Variants in UBAP2 observed in about 807,000 individuals in gnomAD.
The protein encoded by UBAP2 is ubiquitin-associated protein 2.
UBAP2 carries 75 observed loss-of-function variants against 139.6 expected under a neutral mutation model. That is an observed-to-expected ratio of 0.54 (90% CI 0.45 to 0.65). UBAP2 has a LOEUF of 0.65. Among genes scored for constraint, UBAP2 ranks in the 30% least tolerant of loss-of-function variants. The probability of loss-of-function intolerance (pLI) is 0.00; values close to 1 mark genes in which losing one functional copy is unlikely to be tolerated. For synonymous variants in UBAP2, 526 were observed against 526.2 expected (o/e 1.00, Z 0.01); for missense variants, 1,368 against 1,369.6 (o/e 1.00, Z 0.02).
intron 1 of UBAP2, among the ~76,000 whole-genome samples, chr9:34,039,239 C>A (rs1346845345): frequency 6.8e-6 from 1 of 146,544 alleles, no homozygotes; most frequent in African/African-American, 2.5e-5. Flanking sequence ...AGTTGGGGGG[C>A]GCCTCCGCCT....
At chr9:33,990,636 A>ATT (rs1821623852) in intron 4 of UBAP2, among the ~76,000 whole-genome samples, 1 of 22,420 alleles carries the variant, frequency 4.5e-5, no homozygotes. Context: ...AGTACCCCCC[A>ATT]ATTTTTTTTT....
rs887856471 is a variant in UBAP2 at position 33,941,605 on chromosome 9, A to G, written c.1929+44T>C. On this transcript the variant is annotated intron_variant, in intron 16 of 28. Transcript: ENST00000379238. ...AATTTAACCAAACATTAATTTCCAA[A>G]TAAGACGGACATCTTCTGAGAAAAA... 24 of 1,508,288 alleles carry G rather than the reference A, an allele frequency of 1.6e-5. No homozygotes were observed. The African/African-American group carries it at 1.8e-4, about 11-fold the overall frequency. 93.4% of individuals were successfully genotyped at this position (1,508,288 alleles called of 1,614,324 possible).
At chr9:33,948,965 G>A (rs118184940) in intron 12 of UBAP2, 19,304 of 174,446 alleles carry the variant, frequency 0.11, 1,467 homozygotes, top group Non-Finnish European at 0.15. Context: ...AGCAGATTGA[G>A]ACCATTCTGG....
At chr9:34,038,795 G>A (rs1826718941) in intron 1 of UBAP2, among the ~76,000 whole-genome samples, 1 of 151,682 alleles carries the variant, frequency 6.6e-6, no homozygotes, top group South Asian at 2.1e-4. Flanking sequence ...ACTGGGAAGT[G>A]AGGAGCGCCT....
At position 33,991,396 on chromosome 9, in the gene UBAP2, A is replaced by G. The variant is rs998550643; in HGVS notation, c.289-2270T>C. Among the ~76,000 whole-genome samples the G allele has an allele frequency of 3.5e-4, 53 of 152,182 alleles. 1 individual carries two copies. Among genetic ancestry groups the G allele is most frequent in the Non-Finnish European group, 1.5e-5 (1 of 68,036 alleles). On this transcript the variant is annotated intron_variant, in intron 4 of 28. Coordinates refer to ENST00000379238, the MANE Select transcript of UBAP2 (RefSeq NM_001370062.2). ...AAAGGAGGGGAGGCGGATTCCCAAA[A>G]TATCAAATTCAGGAGACTAAGTAGT...
chr9:33,940,681 G>C (rs1825126835), intron 16 of UBAP2, among the ~76,000 whole-genome samples: 1 of 152,170 alleles, frequency 6.6e-6, no homozygotes, highest in Non-Finnish European at 1.5e-5. Context: ...TGGGAGGCTA[G>C]GGTGGGAGGA....
intron 14 of UBAP2, 44 bp from the exon 15 acceptor site, chr9:33,943,633 T>G: frequency 3.1e-6 from 5 of 1,606,326 alleles, no homozygotes; most frequent in Non-Finnish European, 4.3e-6. Context: ...GGTCACAGAT[T>G]CCAGGTCACA....
At position 34,048,834 on chromosome 9, in the gene UBAP2, T is replaced by C. The variant is rs1325808505; in HGVS notation, c.-51A>G. 6.6e-6 allele frequency: 1 copy of C among 152,250 alleles called. No individual in the cohort carries two copies. Among genetic ancestry groups the C allele is most frequent in the Non-Finnish European group, 1.5e-5 (1 of 68,396 alleles). The allele number at this position is 152,250 out of a possible 1,614,324, so 9.4% of individuals were successfully genotyped here. On this transcript the variant is annotated 5_prime_UTR_variant, in exon 1 of 29. Coordinates refer to ENST00000379238, the MANE Select transcript of UBAP2 (RefSeq NM_001370062.2). ...AGAGGATGGCAATTACCGCTGCTGC[T>C]CTCGGAGGACCCAAGACCCGCTGCC...
intron 19 of UBAP2, among the ~76,000 whole-genome samples, chr9:33,931,160 C>T (rs1412816845): frequency 2.6e-5 from 4 of 152,146 alleles, no homozygotes; most frequent in South Asian, 2.1e-4. Flanking sequence ...ACCCAATGCA[C>T]GCATACATAA....
intron 1 of UBAP2, among the ~76,000 whole-genome samples, chr9:34,017,970 GAACA>G (rs1824530442): frequency 6.6e-6 from 1 of 151,412 alleles, no homozygotes; most frequent in South Asian, 2.1e-4. Context: ...TTGATTTGTT[GAACA>G]AACATTTATT....
In UBAP2 at chr9:33,968,723, C is replaced by T. The variant is rs533543324; in HGVS notation, c.679+2928G>A. ...TAACATGAAATCTATCCTTTTACAACAGACAGTTGAATAATTTTTAGTATA... is the reference window on the plus strand; with the variant it reads ...TAACATGAAATCTATCCTTTTACAATAGACAGTTGAATAATTTTTAGTATA... On this transcript the variant is annotated intron_variant, in intron 8 of 28. Coordinates refer to ENST00000379238, the MANE Select transcript of UBAP2 (RefSeq NM_001370062.2). 2.6e-5 allele frequency among the ~76,000 whole-genome samples: 4 copies of T among 152,244 alleles called. No homozygotes were observed. The East Asian group carries it at 5.8e-4, about 22-fold the overall frequency.
chr9:33,945,408 C>T, intron 13 of UBAP2, among the ~76,000 whole-genome samples: 1 of 151,942 alleles, frequency 6.6e-6, no homozygotes, highest in African/African-American at 2.4e-5. Flanking sequence ...CTGAGGCAGG[C>T]CCTATGACGT....
At chr9:34,007,477 A>T in intron 2 of UBAP2, among the ~76,000 whole-genome samples, 1 of 146,884 alleles carries the variant, frequency 6.8e-6, no homozygotes, top group Non-Finnish European at 1.5e-5. Context: ...AGCCTGGGTG[A>T]CCCTGTCTCA....
intron 10 of UBAP2, among the ~76,000 whole-genome samples, chr9:33,957,140 GAT>G (rs1357441105): frequency 6.6e-6 from 1 of 151,408 alleles, no homozygotes; most frequent in Non-Finnish European, 1.5e-5. Context: ...TGAAATAATC[GAT>G]GTTTTCTCCC....
intron 2 of UBAP2, among the ~76,000 whole-genome samples, chr9:34,013,937 G>C (rs1158748416): frequency 2.6e-5 from 4 of 151,434 alleles, no homozygotes; most frequent in Non-Finnish European, 5.9e-5. Flanking sequence ...ACCAATTTAA[G>C]ATTACTTTCT....
At chr9:34,004,678 G>GA (rs1564058054) in intron 2 of UBAP2, among the ~76,000 whole-genome samples, 1 of 151,864 alleles carries the variant, frequency 6.6e-6, no homozygotes, top group Non-Finnish European at 1.5e-5. Flanking sequence ...CAGCTACTCG[G>GA]GAGGCTGAGG....
At chr9:34,043,589 C>CCTCAACCTCCTAGA (rs11275736) in intron 1 of UBAP2, among the ~76,000 whole-genome samples, 1 of 151,824 alleles carries the variant, frequency 6.6e-6, no homozygotes, top group Admixed American at 6.6e-5. Flanking sequence ...CTCACTGTGG[C>CCTCAACCTCCTAGA]CTCAAGCAAT....
intron 1 of UBAP2, among the ~76,000 whole-genome samples, chr9:34,047,445 C>T (rs1223308126): frequency 1.3e-5 from 2 of 152,026 alleles, no homozygotes; most frequent in Non-Finnish European, 2.9e-5. Context: ...GGGGAACACA[C>T]CAATGTAGGA....
chr9:34,020,443 G>C (rs1457292185), intron 1 of UBAP2, among the ~76,000 whole-genome samples: 2 of 151,718 alleles, frequency 1.3e-5, no homozygotes, highest in Non-Finnish European at 2.9e-5. Context: ...TCCTGTCTCA[G>C]CCTCCCGAAT....
Sources: gnomAD v4.1 joint callset for allele counts (sites outside exome capture counted in the v4.1 genomes callset) on GRCh38, gnomAD v4.1.1 for gene constraint, MANE v1.5 for transcripts, NCBI Gene and HGNC (gene_info 2026-07-23, HGNC 2026-07-21) for gene names.